LPCAT2: variants seen among roughly 807,000 people sequenced by gnomAD.
LPCAT2 encodes lysophosphatidylcholine acyltransferase 2.
LPCAT2 carries 58 observed loss-of-function variants against 64.7 expected under a neutral mutation model. That is an observed-to-expected ratio of 0.90 (90% CI 0.73 to 1.12). The LOEUF (loss-of-function observed/expected upper bound fraction) is 1.12, where lower values mean the gene tolerates loss of function less well. LPCAT2 is among the 50% of genes most tolerant of loss of function. LPCAT2 has a pLI of 0.00. For missense variants in LPCAT2, 579 were observed against 669.8 expected, an observed-to-expected ratio of 0.86 and a Z score of 1.50; for synonymous variants, 252 against 245.3, an observed-to-expected ratio of 1.03 and a Z score of -0.26.
At chr16:55,545,876 G>T (rs1180680229) in intron 9 of LPCAT2, 59 bp downstream of exon 9, 1 of 1,350,176 alleles carries the variant, frequency 7.4e-7, no homozygotes. Context: ...TGTGCATGTC[G>T]TTTAACTCAT....
chr16:55,559,448 T>C (rs1234334708), intron 11 of LPCAT2, among the ~76,000 whole-genome samples: 5 of 152,192 alleles, frequency 3.3e-5, no homozygotes. Context: ...TGCCCTGTTC[T>C]TGTTCTTGGT....
At chr16:55,566,849 A>C in intron 11 of LPCAT2, 4 of 1,613,878 alleles carry the variant, frequency 2.5e-6, no homozygotes, top group Non-Finnish European at 3.4e-6. Flanking sequence ...AGAGAAGAGA[A>C]GGAGGAGGAA....
At chr16:55,576,192 T>G (rs1963825857) in intron 12 of LPCAT2, among the ~76,000 whole-genome samples, 1 of 151,894 alleles carries the variant, frequency 6.6e-6, no homozygotes, top group African/African-American at 2.4e-5. Context: ...TAGCTTTTTT[T>G]TTTTTTCAGT....
rs11335464 is a variant in LPCAT2 at position 55,533,406 on chromosome 16, G to GTTTTTTTTTTTT, written c.762+535_762+546dup. On this transcript the variant is annotated intron_variant, in intron 6 of 13. Transcript: ENST00000262134. ...CTTAACATCTTTTTTTGTTTTTCGG[G>GTTTTTTTTTTTT]TTTTTTTTTTTTTTTTTTTTTTGAG... 7.3e-5 allele frequency among the ~76,000 whole-genome samples: 7 copies of GTTTTTTTTTTTT among 96,444 alleles called. 1 individual carries two copies. The highest frequency in any genetic ancestry group is 9.8e-5 in the Non-Finnish European group (5 of 50,814). 63.3% of individuals were successfully genotyped at this position (96,444 alleles called of 152,430 possible).
intron 11 of LPCAT2, among the ~76,000 whole-genome samples, chr16:55,569,936 C>G (rs1335846719): frequency 6.6e-6 from 1 of 152,064 alleles, no homozygotes; most frequent in African/African-American, 2.4e-5. Context: ...TAAAAATTTG[C>G]CTGCTCTATA....
chr16:55,531,151 G>A (rs1380586993), intron 4 of LPCAT2, among the ~76,000 whole-genome samples: 2 of 152,154 alleles, frequency 1.3e-5, no homozygotes, highest in East Asian at 3.9e-4. Context: ...ACCTGTTATT[G>A]TGGCAATGTA....
chr16:55,580,079 C>T (rs1004082054), intron 13 of LPCAT2, among the ~76,000 whole-genome samples: 1 of 152,152 alleles, frequency 6.6e-6, no homozygotes, highest in Non-Finnish European at 1.5e-5. Context: ...CCCAGTCTTT[C>T]CCCTGAGGCT....
chr16:55,575,139 G>T (rs1963813489), intron 12 of LPCAT2, among the ~76,000 whole-genome samples: 1 of 152,092 alleles, frequency 6.6e-6, no homozygotes, highest in African/African-American at 2.4e-5. Context: ...ATTTTCAGTG[G>T]TACTTTTTCT....
chr16:55,582,666 A>G (rs1332826331), intron 13 of LPCAT2, among the ~76,000 whole-genome samples: 1 of 152,138 alleles, frequency 6.6e-6, no homozygotes, highest in African/African-American at 2.4e-5. Flanking sequence ...AATATGCACA[A>G]ATTTCTCTAG....
intron 1 of LPCAT2, among the ~76,000 whole-genome samples, chr16:55,519,290 G>C (rs1963058574): frequency 6.6e-6 from 1 of 151,624 alleles, no homozygotes; most frequent in Non-Finnish European, 1.5e-5. Context: ...CACGGGGTCA[G>C]GACATTGAGA....
chr16:55,547,836 C>T (rs1327927900), intron 9 of LPCAT2, among the ~76,000 whole-genome samples: 3 of 151,862 alleles, frequency 2.0e-5, no homozygotes, highest in South Asian at 2.1e-4. Context: ...GGTGCAATCT[C>T]GGCTCACTGC....
chr16:55,533,837 T>C (rs1223274378), intron 6 of LPCAT2, among the ~76,000 whole-genome samples: 1 of 152,184 alleles, frequency 6.6e-6, no homozygotes, highest in African/African-American at 2.4e-5. Context: ...TTTGAGGGAA[T>C]GTTTTGGTTC....
chr16:55,567,003 C>T, intron 11 of LPCAT2: 2 of 1,613,844 alleles, frequency 1.2e-6, no homozygotes, highest in Admixed American at 1.7e-5. Context: ...GCGATTTCGG[C>T]AACAATTTAC....
intron 11 of LPCAT2, among the ~76,000 whole-genome samples, chr16:55,553,447 CT>C (rs2142401790): frequency 6.6e-6 from 1 of 152,290 alleles, no homozygotes; most frequent in South Asian, 2.1e-4. Context: ...AAACCACTTT[CT>C]TTGCTCATCT....
At chr16:55,582,622 C>A (rs1047008837) in intron 13 of LPCAT2, among the ~76,000 whole-genome samples, 9 of 152,012 alleles carry the variant, frequency 5.9e-5, no homozygotes, top group African/African-American at 1.9e-4. Context: ...AATAATGTTG[C>A]TGTGAACATT....
rs146517805 is a variant in LPCAT2, at chr16:55,542,247, A to T, written c.853-3488A>T. Among the ~76,000 whole-genome samples the T allele has an allele frequency of 2.8e-3, 428 of 152,220 alleles. 3 individuals are homozygous for T. The highest frequency in any genetic ancestry group is 4.5e-3 in the Non-Finnish European group (309 of 68,010). On this transcript the variant is annotated intron_variant, in intron 8 of 13. Transcript: ENST00000262134. ...GACTCTGGGACCAAAAGCACAAATG[A>T]GATGTTAACCTGAGAAACATGTCGC...
At chr16:55,549,225 T>A (rs1472571690) in intron 9 of LPCAT2, 52 bp from the exon 10 acceptor site, 22 of 1,418,626 alleles carry the variant, frequency 1.6e-5, no homozygotes, top group Non-Finnish European at 2.1e-5. Flanking sequence ...GAAATATGAT[T>A]ACTTTTTTTT....
At chr16:55,529,787 G>T in intron 3 of LPCAT2, 48 bp from the exon 4 acceptor site, 1 of 1,118,144 alleles carries the variant, frequency 8.9e-7, no homozygotes, top group Non-Finnish European at 1.3e-6. Context: ...TGCTGTGGTT[G>T]CTTTAGCCAA....
intron 5 of LPCAT2, chr16:55,532,592 A>G (rs1596859697): frequency 4.2e-6 from 1 of 240,144 alleles, no homozygotes; most frequent in East Asian, 7.9e-5. Context: ...ATAAACAAAT[A>G]TTTTAAGTGG....
Sources: gnomAD v4.1 joint callset for allele counts (sites outside exome capture counted in the v4.1 genomes callset) on GRCh38, gnomAD v4.1.1 for gene constraint, MANE v1.5 for transcripts, NCBI Gene and HGNC (gene_info 2026-07-23, HGNC 2026-07-21) for gene names.